The following GRID2 variants were observed in gnomAD, a reference collection of about 807,000 sequenced individuals.
GRID2 encodes the protein glutamate receptor ionotropic, delta-2.
GRID2 carries 33 observed loss-of-function variants against 114.8 expected under a neutral mutation model. The ratio of observed to expected loss-of-function variants is 0.29; its 90% CI spans 0.22 to 0.38. The LOEUF is 0.38. Ranked by LOEUF, GRID2 falls within the 10% of genes least tolerant of loss-of-function variation. The pLI, the probability that GRID2 is intolerant of heterozygous loss-of-function variation, is 1.00. For synonymous variants in GRID2, 505 were observed against 449.9 expected, an observed-to-expected ratio of 1.12 and a Z score of -1.55; for missense variants, 1,184 against 1,257.7, an observed-to-expected ratio of 0.94 and a Z score of 0.89.
chr4:92,324,574 T>A (rs771253333), intron 1 of GRID2, among the ~76,000 whole-genome samples: 44 of 146,260 alleles, frequency 3.0e-4, no homozygotes, highest in African/African-American at 7.2e-4. Flanking sequence ...AATAAACTTT[T>A]ATATACACAT....
intron 14 of GRID2, among the ~76,000 whole-genome samples, chr4:93,626,777 G>A (rs1388833548): frequency 6.6e-6 from 1 of 152,176 alleles, no homozygotes; most frequent in Non-Finnish European, 1.5e-5. Flanking sequence ...ATGTCACAGA[G>A]TTAAGAAAAT....
At chr4:93,388,319 G>C (rs770893523) in intron 8 of GRID2, among the ~76,000 whole-genome samples, 3 of 152,122 alleles carry the variant, frequency 2.0e-5, no homozygotes, top group Non-Finnish European at 4.4e-5. Context: ...CTCTACTTTG[G>C]AATCATCTTC....
intron 10 of GRID2, among the ~76,000 whole-genome samples, chr4:93,436,861 A>G (rs1721132572): frequency 6.6e-6 from 1 of 152,190 alleles, no homozygotes; most frequent in South Asian, 2.1e-4. Context: ...AGTAGGCAGT[A>G]TAAATCCGAA....
At chr4:93,698,253 AC>A (rs1432938744) in intron 14 of GRID2, among the ~76,000 whole-genome samples, 1 of 152,038 alleles carries the variant, frequency 6.6e-6, no homozygotes, top group Non-Finnish European at 1.5e-5. Flanking sequence ...TATACTGACA[AC>A]CTATCAATAC....
chr4:92,670,415 T>A (rs1733002525), intron 2 of GRID2, among the ~76,000 whole-genome samples: 1 of 152,130 alleles, frequency 6.6e-6, no homozygotes, highest in African/African-American at 2.4e-5. Context: ...TTCCATCATC[T>A]TCTTTCACAG....
chr4:92,827,142 C>A (rs1741762347), intron 2 of GRID2, among the ~76,000 whole-genome samples: 1 of 151,890 alleles, frequency 6.6e-6, no homozygotes, highest in Non-Finnish European at 1.5e-5. Context: ...TAAAAGAATC[C>A]ACTTATCCTC....
intron 11 of GRID2, among the ~76,000 whole-genome samples, chr4:93,457,880 T>C (rs1192102778): frequency 6.6e-6 from 1 of 152,226 alleles, no homozygotes; most frequent in African/African-American, 2.4e-5. Context: ...GTTTGAGCTA[T>C]CCGTGAAACA....
chr4:93,519,040 A>G (rs1730084575), intron 13 of GRID2, among the ~76,000 whole-genome samples: 2 of 152,156 alleles, frequency 1.3e-5, no homozygotes, highest in Admixed American at 6.6e-5. Context: ...TCCTAAAAAT[A>G]TAGACTCTTA....
At chr4:93,333,099 A>G (rs1283700259) in intron 8 of GRID2, among the ~76,000 whole-genome samples, 1 of 152,092 alleles carries the variant, frequency 6.6e-6, no homozygotes, top group Non-Finnish European at 1.5e-5. Context: ...TTAGCTTTTA[A>G]CACAAATTAC....
chr4:93,727,086 AG>A lies in GRID2; in HGVS notation c.2361-42123del, dbSNP rs566612061. The stretch of plus-strand genomic sequence containing the variant: ...GCCAGTTTTCAAAGGTAACGCTTCC[AG>A]TTTTTGCCCATTCAGTATGATATTG... On this transcript the variant is annotated intron_variant, in intron 14 of 15. Transcript: ENST00000282020. 2.2e-3 allele frequency among the ~76,000 whole-genome samples: 338 copies of A among 152,244 alleles called. 1 individual carries two copies. Among genetic ancestry groups the A allele is most frequent in the African/African-American group, 7.7e-3 (321 of 41,540 alleles).
chr4:93,576,024 G>A (rs186702344), intron 13 of GRID2, among the ~76,000 whole-genome samples: 11 of 152,210 alleles, frequency 7.2e-5, no homozygotes, highest in African/African-American at 2.4e-4. Context: ...AAATAGTTAT[G>A]CTAAGATATT....
At chr4:93,103,308 C>T (rs944400053) in intron 3 of GRID2, among the ~76,000 whole-genome samples, 1 of 152,026 alleles carries the variant, frequency 6.6e-6, no homozygotes, top group African/African-American at 2.4e-5. Flanking sequence ...CAGTGTTATT[C>T]CCGAGAGCAG....
intron 2 of GRID2, among the ~76,000 whole-genome samples, chr4:92,839,013 T>C (rs1283962297): frequency 1.3e-5 from 2 of 152,112 alleles, no homozygotes; most frequent in African/African-American, 4.8e-5. Context: ...TTCTACTGAT[T>C]AACACAATGG....
At chr4:93,116,590 C>G (rs945382212) in intron 4 of GRID2, among the ~76,000 whole-genome samples, 1 of 152,070 alleles carries the variant, frequency 6.6e-6, no homozygotes, top group Non-Finnish European at 1.5e-5. Flanking sequence ...TGCACCCTTT[C>G]CTCCCAGAGA....
At chr4:93,224,920 G>A (rs1745309738) in intron 7 of GRID2, 145 bp downstream of exon 7, 1 of 606,698 alleles carries the variant, frequency 1.6e-6, no homozygotes, top group Non-Finnish European at 2.8e-6. Flanking sequence ...AAGAAAAAAG[G>A]TGAGAGAGTC....
In GRID2 at chr4:92,844,770, C is replaced by T. The variant is rs145481896; in HGVS notation, c.245-240225C>T. Among the ~76,000 whole-genome samples the T allele has an allele frequency of 7.9e-3, 1,191 of 151,704 alleles. 7 individuals carry two copies. Among genetic ancestry groups the T allele is most frequent in the Middle Eastern group, 0.017 (5 of 292 alleles). On this transcript the variant is annotated intron_variant, in intron 2 of 15. Transcript: ENST00000282020. The stretch of plus-strand genomic sequence containing the variant: ...TGATGAAGAAATCTGGCTAGACCAG[C>T]TCACATTCCCAAACAATCACACAAG...
At chr4:92,684,937 T>A (rs1733829555) in intron 2 of GRID2, among the ~76,000 whole-genome samples, 1 of 152,082 alleles carries the variant, frequency 6.6e-6, no homozygotes, top group East Asian at 1.9e-4. Context: ...AGAATGATAG[T>A]GTCTGACATG....
chr4:92,405,910 C>T (rs1471516436), intron 1 of GRID2, among the ~76,000 whole-genome samples: 1 of 151,994 alleles, frequency 6.6e-6, no homozygotes, highest in Non-Finnish European at 1.5e-5. Context: ...ATTACACAAT[C>T]ACAAGGTCCC....
chr4:92,758,086 A>G (rs1033261646), intron 2 of GRID2, among the ~76,000 whole-genome samples: 3 of 152,090 alleles, frequency 2.0e-5, no homozygotes, highest in East Asian at 1.9e-4. Context: ...ACTAATTTCA[A>G]TAAGGAGAAC....
Sources: allele counts gnomAD v4.1 joint callset (sites outside exome capture counted in the v4.1 genomes callset), GRCh38; gene constraint gnomAD v4.1.1; transcripts MANE v1.5; gene names NCBI Gene and HGNC (gene_info 2026-07-23, HGNC 2026-07-21).